HIF1AN: variants seen among roughly 807,000 people sequenced by gnomAD.
HIF1AN encodes hypoxia inducible factor 1 subunit alpha inhibitor, also known as hypoxia-inducible factor 1-alpha inhibitor.
In HIF1AN, 21 loss-of-function variants were observed where a neutral mutation model predicts 47.7. The observed-to-expected ratio is 0.44, with a 90% CI of 0.31 to 0.63. HIF1AN has a LOEUF of 0.63. Ranked by LOEUF, HIF1AN falls within the 30% of genes least tolerant of loss-of-function variation. The pLI is 0.07. For synonymous variants in HIF1AN, 152 were observed against 155.9 expected (o/e 0.98, Z 0.18); for missense variants, 320 against 432.7 (o/e 0.74, Z 2.31).
At chr10:100,542,846 G>GTTTTTTTTTTTTTTTTTTTTTTT (rs397730143) in intron 3 of HIF1AN, among the ~76,000 whole-genome samples, 4 of 111,762 alleles carry the variant, frequency 3.6e-5, no homozygotes, top group Non-Finnish European at 6.8e-5. Context: ...ATGTGAATGT[G>GTTTTTTTTTTTTTTTTTTTTTTT]TTTTTTTTTT....
At position 100,556,393 on chromosome 10, in the gene HIF1AN, T is replaced by TATG. The variant is rs1390485083; in HGVS notation, c.*8258_*8260dup. ...TTCCTAAAGAGGCATTGAAGGTTTG[T>TATG]ATGAGCCAGCAGCACAGTCAGAAGG... On this transcript the variant is annotated 3_prime_UTR_variant, in exon 8 of 8. Transcript: ENST00000299163. 6.6e-6 allele frequency: 1 copy of TATG among 152,214 alleles called. No homozygotes were observed. The highest frequency in any genetic ancestry group is 1.9e-4 in the East Asian group (1 of 5,198). The allele number at this position is 152,214 out of a possible 1,614,324, so 9.4% of individuals were successfully genotyped here. A position where few individuals can be genotyped will look rare whatever the true frequency, so the allele number is the denominator to read the frequency against.
rs760378203 is a variant in HIF1AN, at chr10:100,552,728, T to C, written c.*4591T>C. On this transcript the variant is annotated 3_prime_UTR_variant, in exon 8 of 8. Coordinates refer to ENST00000299163, the MANE Select transcript of HIF1AN (RefSeq NM_017902.3). The stretch of plus-strand genomic sequence containing the variant: ...CTGCAAGTGTGAATAGACTTGTCTT[T>C]AGGATCCCTCTCTCTGGTCATCCCT... 4 of 152,322 alleles carry C rather than the reference T, an allele frequency of 2.6e-5. No homozygotes were observed. Among genetic ancestry groups the C allele is most frequent in the Non-Finnish European group, 5.9e-5 (4 of 68,138 alleles). 9.4% of individuals were successfully genotyped at this position (152,322 alleles called of 1,614,324 possible). A position where few individuals can be genotyped will look rare whatever the true frequency, so the allele number is the denominator to read the frequency against.
intron 4 of HIF1AN, 174 bp downstream of exon 4, chr10:100,545,270 A>AATAT: frequency 3.3e-6 from 2 of 602,900 alleles, no homozygotes; most frequent in Non-Finnish European, 5.6e-6. Context: ...GGCTCCCTGG[A>AATAT]GTGGCCACCA....
At chr10:100,545,915 T>C in intron 4 of HIF1AN, 28 bp from the exon 5 acceptor site, 2 of 1,455,224 alleles carry the variant, frequency 1.4e-6, no homozygotes, top group Non-Finnish European at 1.9e-6. Flanking sequence ...GTGATTGATA[T>C]TTTTTTTCTT....
intron 5 of HIF1AN, 121 bp from the exon 6 acceptor site, chr10:100,546,397 A>T: frequency 1.3e-6 from 1 of 746,290 alleles, no homozygotes; most frequent in South Asian, 1.5e-5. Context: ...TGTCTTCACT[A>T]TTTTCCGTAA....
In HIF1AN at chr10:100,549,391, C is replaced by A; in HGVS notation, c.*1254C>A. On this transcript the variant is annotated 3_prime_UTR_variant, in exon 8 of 8. Coordinates refer to ENST00000299163, the MANE Select transcript of HIF1AN (RefSeq NM_017902.3). ...TCAAGCCCAGGCAGCTCATTCACTA[C>A]CTGTGATCCACCTCAGGGCACGGGC... is the stretch of plus-strand genomic sequence containing the variant. The A allele has an allele frequency of 6.6e-6, 1 of 152,410 alleles. No homozygotes were observed. Among genetic ancestry groups the A allele is most frequent in the Non-Finnish European group, 1.5e-5 (1 of 68,116 alleles). 9.4% of individuals were successfully genotyped at this position (152,410 alleles called of 1,614,324 possible).
Position 100,551,766 on chromosome 10 carries a change from C to T in HIF1AN, c.*3629C>T, listed in dbSNP as rs1843163182. ...AGGAAAATCTGGTCCTTATCAAATC[C>T]CAGGAGCTTCTGCTTAGTTGGGGAA... On this transcript the variant is annotated 3_prime_UTR_variant, in exon 8 of 8. Transcript: ENST00000299163. 6.6e-6 allele frequency: 1 copy of T among 152,192 alleles called. No individual in the cohort carries two copies. The highest frequency in any genetic ancestry group is 6.5e-5 in the Admixed American group (1 of 15,284). The allele number at this position is 152,192 out of a possible 1,614,324, so 9.4% of individuals were successfully genotyped here.
In HIF1AN at chr10:100,548,385, C is replaced by A; in HGVS notation, c.*248C>A. The A allele has an allele frequency of 2.1e-6, 1 of 466,692 alleles. No individual in the cohort carries two copies. The highest frequency in any genetic ancestry group is 3.8e-6 in the Non-Finnish European group (1 of 263,918). 28.9% of individuals were successfully genotyped at this position (466,692 alleles called of 1,614,324 possible). ...TCTCTCTCTGCCCCCCGCCTAAAGTCCTGCATTCAGTGTGTGGAGTCCCAG... is the reference window on the plus strand; with the variant it reads ...TCTCTCTCTGCCCCCCGCCTAAAGTACTGCATTCAGTGTGTGGAGTCCCAG... On this transcript the variant is annotated 3_prime_UTR_variant, in exon 8 of 8. Transcript: ENST00000299163.
rs901362087 is a variant in HIF1AN, at chr10:100,551,832, G to C, written c.*3695G>C. The stretch of plus-strand genomic sequence containing the variant: ...AACCAGAGGTTATAAGGCCACACTT[G>C]TATATCGTGCACCCTGTGTGGACAA... On this transcript the variant is annotated 3_prime_UTR_variant, in exon 8 of 8. Coordinates refer to ENST00000299163, the MANE Select transcript of HIF1AN (RefSeq NM_017902.3). 1 of 152,210 alleles carries C rather than the reference G, an allele frequency of 6.6e-6. No individual in the cohort carries two copies. Among genetic ancestry groups the C allele is most frequent in the East Asian group, 1.9e-4 (1 of 5,194 alleles). The allele number at this position is 152,210 out of a possible 1,614,324, so 9.4% of individuals were successfully genotyped here.
intron 3 of HIF1AN, among the ~76,000 whole-genome samples, chr10:100,542,628 T>TA (rs1400613038): frequency 6.6e-6 from 1 of 152,132 alleles, no homozygotes; most frequent in Admixed American, 6.5e-5. Context: ...GTGCTGGGAT[T>TA]ACAGGCGTGA....
chr10:100,544,887 C>A, intron 3 of HIF1AN, 64 bp from the exon 4 acceptor site: 1 of 1,519,630 alleles, frequency 6.6e-7, no homozygotes, highest in Non-Finnish European at 9.1e-7. Flanking sequence ...AGCACTGGGT[C>A]CTGTATTCCA....
chr10:100,544,840 G>A (rs1457134746), intron 3 of HIF1AN, 111 bp from the exon 4 acceptor site: 5 of 1,020,182 alleles, frequency 4.9e-6, no homozygotes, highest in Non-Finnish European at 7.2e-6. Context: ...TTTTGATTTG[G>A]AACTTTTAGC....
intron 3 of HIF1AN, among the ~76,000 whole-genome samples, chr10:100,543,781 C>G (rs1205644622): frequency 1.3e-5 from 2 of 152,170 alleles, no homozygotes; most frequent in African/African-American, 2.4e-5. Context: ...ACCGTGTTAG[C>G]CAGGATGGTC....
intron 3 of HIF1AN, among the ~76,000 whole-genome samples, chr10:100,543,288 C>CA (rs1843062484): frequency 6.6e-6 from 1 of 152,152 alleles, no homozygotes; most frequent in African/African-American, 2.4e-5. Flanking sequence ...CTCCCAGTCT[C>CA]AAACGATCCT....
At chr10:100,543,676 ATTC>A (rs1843067571) in intron 3 of HIF1AN, among the ~76,000 whole-genome samples, 1 of 152,070 alleles carries the variant, frequency 6.6e-6, no homozygotes, top group Non-Finnish European at 1.5e-5. Flanking sequence ...GGTTCACACC[ATTC>A]TTCTGCCTCA....
chr10:100,536,270 G>A, intron 1 of HIF1AN, 135 bp downstream of exon 1: 2 of 1,289,810 alleles, frequency 1.6e-6, no homozygotes, highest in Non-Finnish European at 2.2e-6. Context: ...GAAAGGCGAG[G>A]AGATACGGAA....
Position 100,545,041 on chromosome 10 carries a change from A to G in HIF1AN, c.668A>G (p.Gln223Arg). The G allele has an allele frequency of 1.9e-6, 3 of 1,614,248 alleles. No individual in the cohort carries two copies. The highest frequency in any genetic ancestry group is 2.5e-6 in the Non-Finnish European group (3 of 1,180,044). ...CGATGCATCTTATTCCCTCCGGATC[A>G]GTTCGAGTGCCTCTACCCATACCCT... ...YKRCILFPPDQFECLYPYPVH... is the reference protein window; with the variant it reads ...YKRCILFPPDRFECLYPYPVH... Residue 223 changes from glutamine to arginine, a missense_variant, in exon 4 of 8, where the codon CAG becomes CGG. By Grantham distance (43) the Gln-to-Arg change is conservative. Around this residue, in one of 2 missense-constraint regions of HIF1AN, gnomAD observed 161 missense variants for 272.8 expected, o/e 0.59. Coordinates refer to ENST00000299163, the MANE Select transcript of HIF1AN (RefSeq NM_017902.3).
chr10:100,545,263 T>A, intron 4 of HIF1AN, 167 bp downstream of exon 4: 3 of 654,094 alleles, frequency 4.6e-6, no homozygotes, highest in Non-Finnish European at 5.0e-6. Flanking sequence ...TATTCCAGGC[T>A]CCCTGGAGTG....
At position 100,548,230 on chromosome 10, in the gene HIF1AN, C is replaced by A; in HGVS notation, c.*93C>A. ...CAGGAGACTCCAAGCGCTAGTATTG[C>A]ACGCTGCACTTAATGGACTGGACTC... On this transcript the variant is annotated 3_prime_UTR_variant, in exon 8 of 8. Transcript: ENST00000299163. 1 of 1,094,124 alleles carries A rather than the reference C, an allele frequency of 9.1e-7. No individual in the cohort carries two copies. The highest frequency in any genetic ancestry group is 1.3e-6 in the Non-Finnish European group (1 of 768,328). The allele number at this position is 1,094,124 out of a possible 1,614,324, so 67.8% of individuals were successfully genotyped here.
Sources: allele counts gnomAD v4.1 joint callset (sites outside exome capture counted in the v4.1 genomes callset), GRCh38; gene constraint gnomAD v4.1.1; regional missense constraint gnomAD v4.1.1; transcripts MANE v1.5; gene names NCBI Gene and HGNC (gene_info 2026-07-23, HGNC 2026-07-21).